MARK4: variants seen among roughly 807,000 people sequenced by gnomAD.
The protein encoded by MARK4 is MAP/microtubule affinity-regulating kinase 4.
In MARK4, 19 loss-of-function variants were observed where a neutral mutation model predicts 81.5. The ratio of observed to expected loss-of-function variants is 0.23; its 90% CI spans 0.16 to 0.34. The LOEUF (loss-of-function observed/expected upper bound fraction) is 0.34. Ranked by LOEUF, MARK4 falls within the 10% of genes least tolerant of loss-of-function variation. The pLI is 1.00. For synonymous variants in MARK4, 436 were observed against 439.0 expected (o/e 0.99, Z 0.08); for missense variants, 772 against 1,058.8 (o/e 0.73, Z 3.76).
chr19:45,275,796 G>T (rs1279325398), intron 8 of MARK4, among the ~76,000 whole-genome samples: 1 of 152,228 alleles, frequency 6.6e-6, no homozygotes, highest in African/African-American at 2.4e-5. Flanking sequence ...TTGTGAAAAT[G>T]GATGTAATAT....
chr19:45,299,781 T>G lies in MARK4; in HGVS notation c.1878-30T>G, dbSNP rs373688086. The G allele has an allele frequency of 3.2e-6, 5 of 1,577,192 alleles. No individual in the cohort carries two copies. The African/African-American group carries it at 6.8e-5, about 21-fold the overall frequency. On this transcript the variant is annotated intron_variant, in intron 15 of 16. Coordinates refer to ENST00000262891, the MANE Select transcript of MARK4 (RefSeq NM_001199867.2). Reference sequence around the variant, plus strand: ...GGAGGTGGGTTCCCTATGTCCAGATTAGACACTCTGTCCCCCTCCCCTCCC... The same window carrying G: ...GGAGGTGGGTTCCCTATGTCCAGATGAGACACTCTGTCCCCCTCCCCTCCC...
At chr19:45,294,736 A>G (rs1229450333) in intron 14 of MARK4, among the ~76,000 whole-genome samples, 1 of 152,142 alleles carries the variant, frequency 6.6e-6, no homozygotes, top group Non-Finnish European at 1.5e-5. Flanking sequence ...AGAACTCGAG[A>G]GAAGCCCCAG....
chr19:45,272,317 G>A (rs1833664951), intron 8 of MARK4, among the ~76,000 whole-genome samples: 1 of 152,150 alleles, frequency 6.6e-6, no homozygotes, highest in African/African-American at 2.4e-5. Context: ...GGGTGACAGA[G>A]GGAGACCCTG....
At chr19:45,299,460 G>C (rs1970936748) in intron 15 of MARK4, among the ~76,000 whole-genome samples, 2 of 152,168 alleles carry the variant, frequency 1.3e-5, no homozygotes, top group Admixed American at 1.3e-4. Context: ...TGTTGTTTGA[G>C]CAAAGCATGA....
intron 1 of MARK4, among the ~76,000 whole-genome samples, chr19:45,257,219 A>G (rs1036787952): frequency 3.3e-5 from 5 of 151,908 alleles, no homozygotes; most frequent in Non-Finnish European, 7.4e-5. Context: ...CGCCTTGTCA[A>G]TGATTTTGTT....
chr19:45,295,501 A>G (rs972123348), intron 14 of MARK4, among the ~76,000 whole-genome samples: 4 of 152,108 alleles, frequency 2.6e-5, no homozygotes, highest in African/African-American at 9.7e-5. Context: ...CTGGCCGGGC[A>G]TGGTGGCTCA....
At chr19:45,287,202 CAAAAAAAAAAA>C (rs139216602) in intron 12 of MARK4, among the ~76,000 whole-genome samples, 1 of 65,518 alleles carries the variant, frequency 1.5e-5, no homozygotes, top group Non-Finnish European at 3.2e-5. Flanking sequence ...GACTTTGTCT[CAAAAAAAAAAA>C]AAAAAAAAAG....
chr19:45,266,298 C>T lies in MARK4; in HGVS notation c.549+17C>T. 4 of 1,613,414 alleles carry T rather than the reference C, an allele frequency of 2.5e-6. No homozygotes were observed. Among genetic ancestry groups the T allele is most frequent in the Non-Finnish European group, 3.4e-6 (4 of 1,179,442 alleles). On this transcript the variant is annotated intron_variant, in intron 7 of 16. Coordinates refer to ENST00000262891, the MANE Select transcript of MARK4 (RefSeq NM_001199867.2). ...GACCTGAAGGTAAGCCCCCGACCCG[C>T]TGTGATCTCAGGGACCACGGCTCAG...
chr19:45,302,680 C>T lies in MARK4; in HGVS notation c.2229C>T (p.Val743=), dbSNP rs2064124479. The T allele has an allele frequency of 6.5e-7, 1 of 1,536,788 alleles. No homozygotes were observed. Among genetic ancestry groups the T allele is most frequent in the Admixed American group, 2.0e-5 (1 of 51,024 alleles). ...CCGCCCTGGCCTTCCGCACCCTCGT[C>T]ACCCGCATCTCCAACGACCTCGAGC... The part of the protein sequence containing the change: ...AGTALAFRTL[V]TRISNDLEL The change falls in exon 17 of 17, where the codon GTC becomes GTT. Residue 743 remains valine (V), a synonymous_variant. Coordinates refer to ENST00000262891, the MANE Select transcript of MARK4 (RefSeq NM_001199867.2). This position sits in a 1 kb window ranked among gnomAD's most constrained non-coding sequence, Gnocchi z 4.9.
At chr19:45,278,846 C>G (rs1970635958) in intron 10 of MARK4, among the ~76,000 whole-genome samples, 1 of 152,168 alleles carries the variant, frequency 6.6e-6, no homozygotes, top group Admixed American at 6.5e-5. Context: ...CTCAGGTGAT[C>G]TGCCTGCCTC....
chr19:45,259,650 C>T (rs1970355630), intron 2 of MARK4, among the ~76,000 whole-genome samples: 2 of 151,818 alleles, frequency 1.3e-5, no homozygotes, highest in African/African-American at 4.8e-5. Context: ...TGGTGTGTGC[C>T]TGTGGTCCCA....
In MARK4 at chr19:45,303,369, C is replaced by T. The variant is rs1971005516; in HGVS notation, c.*659C>T. 6.6e-6 allele frequency: 1 copy of T among 152,518 alleles called. No individual in the cohort carries two copies. Among genetic ancestry groups the T allele is most frequent in the African/African-American group, 2.4e-5 (1 of 41,384 alleles). The allele number at this position is 152,518 out of a possible 1,614,324, so 9.4% of individuals were successfully genotyped here. A position where few individuals can be genotyped will look rare whatever the true frequency, so the allele number is the denominator to read the frequency against. On this transcript the variant is annotated 3_prime_UTR_variant, in exon 17 of 17. Coordinates refer to ENST00000262891, the MANE Select transcript of MARK4 (RefSeq NM_001199867.2). ...AAATTTAAGAGAGTCCCCCCCTCCC[C>T]AATGCTGACCCTAGGATTTTCCTTC...
At position 45,287,843 on chromosome 19, in the gene MARK4, C is replaced by T. The variant is rs545701434; in HGVS notation, c.1494+179C>T. 4.2e-6 allele frequency: 3 copies of T among 719,754 alleles called. No individual in the cohort carries two copies. In the South Asian group the frequency reaches 4.7e-5, roughly 11 times the overall value. 44.6% of individuals were successfully genotyped at this position (719,754 alleles called of 1,614,324 possible). A position where few individuals can be genotyped will look rare whatever the true frequency, so the allele number is the denominator to read the frequency against. ...TGTTTGCCTGAGCTCAGTTTATACACTAACATTTGATGTTAGCGTATAAAT... is the reference window on the plus strand; with the variant it reads ...TGTTTGCCTGAGCTCAGTTTATACATTAACATTTGATGTTAGCGTATAAAT... On this transcript the variant is annotated intron_variant, in intron 13 of 16. Transcript: ENST00000262891.
rs140263639 is a variant in MARK4 at position 45,280,234 on chromosome 19, C to T, written c.1007-140C>T. 2,605 of 709,600 alleles carry T rather than the reference C, an allele frequency of 3.7e-3. 35 individuals are homozygous for T. The highest frequency in any genetic ancestry group is 0.035 in the African/African-American group (1,957 of 56,500). The allele number at this position is 709,600 out of a possible 1,614,324, so 44.0% of individuals were successfully genotyped here. Reference sequence around the variant, plus strand: ...GAGGATCAGCAGAGCCTGGGGAGGCCGAGGCTGCAGTGAGCTGTGACCGTG... The same window carrying T: ...GAGGATCAGCAGAGCCTGGGGAGGCTGAGGCTGCAGTGAGCTGTGACCGTG... On this transcript the variant is annotated intron_variant, in intron 10 of 16. Coordinates refer to ENST00000262891, the MANE Select transcript of MARK4 (RefSeq NM_001199867.2).
chr19:45,269,113 A>G (rs1345396464), intron 7 of MARK4, among the ~76,000 whole-genome samples: 1 of 152,206 alleles, frequency 6.6e-6, no homozygotes, highest in Admixed American at 6.5e-5. Context: ...GTGACGGCTC[A>G]CACCTGTAAT....
At chr19:45,252,749 T>A (rs1023164251) in intron 1 of MARK4, among the ~76,000 whole-genome samples, 2 of 152,052 alleles carry the variant, frequency 1.3e-5, no homozygotes, top group Non-Finnish European at 2.9e-5. Flanking sequence ...GCTGGAAGCT[T>A]TCTCCCCAAA....
chr19:45,299,778 G>T (rs970372852), intron 15 of MARK4, 33 bp from the exon 16 acceptor site: 2 of 1,573,400 alleles, frequency 1.3e-6, no homozygotes, highest in Admixed American at 1.7e-5. Context: ...CCTATGTCCA[G>T]ATTAGACACT....
Position 45,266,222 on chromosome 19 carries a change from C to A in MARK4, c.493-3C>A. 6.2e-7 allele frequency: 1 copy of A among 1,613,750 alleles called. No homozygotes were observed. Among genetic ancestry groups the A allele is most frequent in the Non-Finnish European group, 8.5e-7 (1 of 1,179,752 alleles). ...AATAACCAACCTTCCCCTTCCCTCC[C>A]AGATTGTTTCGGCTGTGCACTATTG... On this transcript the variant is annotated splice_region_variant and splice_polypyrimidine_tract_variant and intron_variant, in intron 6 of 16. Transcript: ENST00000262891.
chr19:45,278,435 T>C, intron 9 of MARK4, 81 bp from the exon 10 acceptor site: 5 of 1,274,576 alleles, frequency 3.9e-6, no homozygotes, highest in Non-Finnish European at 5.7e-6. Context: ...GCCTCGGAGG[T>C]TTGGGGCAGG....
Sources: allele counts gnomAD v4.1 joint callset (sites outside exome capture counted in the v4.1 genomes callset), GRCh38; gene constraint gnomAD v4.1.1; non-coding constraint Gnocchi (gnomAD v3.1); transcripts MANE v1.5; gene names NCBI Gene and HGNC (gene_info 2026-07-23, HGNC 2026-07-21).